Variants in SLC8A3 observed in about 807,000 individuals in gnomAD.
The protein encoded by SLC8A3 is sodium/calcium exchanger 3.
In SLC8A3, 37 loss-of-function variants were observed where a neutral mutation model predicts 65.4. The ratio of observed to expected loss-of-function variants is 0.57; its 90% confidence interval spans 0.44 to 0.74. The LOEUF (loss-of-function observed/expected upper bound fraction) is 0.74. SLC8A3 is among the 30% of genes least tolerant of loss of function. The pLI is 0.00. For synonymous variants in SLC8A3, 461 were observed against 444.5 expected (o/e 1.04, Z -0.47); for missense variants, 1,112 against 1,172.1 (o/e 0.95, Z 0.75).
At chr14:70,053,094 A>G (rs1887684144) in intron 3 of SLC8A3, among the ~76,000 whole-genome samples, 1 of 152,244 alleles carries the variant, frequency 6.6e-6, no homozygotes, top group African/African-American at 2.4e-5. Context: ...TGAAGATGGT[A>G]TGAGAGTGTG....
intron 2 of SLC8A3, among the ~76,000 whole-genome samples, chr14:70,089,001 C>A (rs1308692412): frequency 6.6e-6 from 1 of 152,198 alleles, no homozygotes; most frequent in Non-Finnish European, 1.5e-5. Context: ...TATTCCTGAC[C>A]TGATTTGTAC....
chr14:70,166,493 T>C, intron 2 of SLC8A3, 146 bp downstream of exon 2: 1 of 595,944 alleles, frequency 1.7e-6, no homozygotes, highest in Non-Finnish European at 3.0e-6. Flanking sequence ...TCCAGTGGTG[T>C]CTGCTGATCC....
chr14:70,090,172 C>T (rs77163301), intron 2 of SLC8A3, among the ~76,000 whole-genome samples: 2,670 of 152,034 alleles, frequency 0.018, 82 homozygotes, highest in African/African-American at 0.062. Context: ...CTGTTTTCCC[C>T]GAAAGATAAT....
chr14:70,122,995 C>T (rs1328667379), intron 2 of SLC8A3, among the ~76,000 whole-genome samples: 1 of 151,256 alleles, frequency 6.6e-6, no homozygotes, highest in Non-Finnish European at 1.5e-5. Flanking sequence ...TGGCGTGAAC[C>T]CAGGAGGCGG....
intron 2 of SLC8A3, among the ~76,000 whole-genome samples, chr14:70,159,157 C>T (rs888020275): frequency 6.6e-6 from 1 of 152,086 alleles, no homozygotes; most frequent in South Asian, 2.1e-4. Flanking sequence ...ACCTGTAATC[C>T]CAGCACTTTG....
chr14:70,055,772 A>G, intron 3 of SLC8A3: 2 of 1,599,374 alleles, frequency 1.3e-6, no homozygotes, highest in Non-Finnish European at 1.7e-6. Flanking sequence ...TGGAAAGAAA[A>G]GAGGGGGACA....
intron 2 of SLC8A3, among the ~76,000 whole-genome samples, chr14:70,076,303 A>T (rs1890514378): frequency 6.6e-6 from 1 of 151,828 alleles, no homozygotes; most frequent in Non-Finnish European, 1.5e-5. Flanking sequence ...GTTTCCCTTT[A>T]TCTTGTTTAT....
chr14:70,182,273 G>C lies in SLC8A3; in HGVS notation c.-63+6106C>G, dbSNP rs185311473. 1.2e-3 allele frequency among the ~76,000 whole-genome samples: 189 copies of C among 152,302 alleles called. 1 individual carries two copies. The highest frequency in any genetic ancestry group is 2.3e-3 in the Non-Finnish European group (154 of 68,032). ...TCAGGAGGAGTTAACAGGACATCTT[G>C]TTGGAGATACTGTGCACACGGCTGG... is the stretch of plus-strand genomic sequence containing the variant. On this transcript the variant is annotated intron_variant, in intron 1 of 6. Coordinates refer to ENST00000356921, the MANE Select transcript of SLC8A3 (RefSeq NM_182932.3).
intron 2 of SLC8A3, among the ~76,000 whole-genome samples, chr14:70,123,724 A>G (rs566283152): frequency 2.0e-5 from 3 of 152,360 alleles, no homozygotes; most frequent in African/African-American, 7.2e-5. Flanking sequence ...TGCTGGGATT[A>G]CAGGCGTGAG....
chr14:70,117,289 C>T (rs1595013275), intron 2 of SLC8A3, among the ~76,000 whole-genome samples: 1 of 152,346 alleles, frequency 6.6e-6, no homozygotes, highest in South Asian at 2.1e-4. Context: ...TAGCATGATT[C>T]CTTTCCCCAC....
intron 1 of SLC8A3, among the ~76,000 whole-genome samples, chr14:70,175,269 T>C (rs75522232): frequency 0.021 from 3,157 of 152,294 alleles, 108 homozygotes; most frequent in African/African-American, 0.071. Flanking sequence ...TAGGCACTTT[T>C]ATATCTGTTA....
intron 1 of SLC8A3, among the ~76,000 whole-genome samples, chr14:70,171,599 A>T (rs2140394019): frequency 6.6e-6 from 1 of 152,272 alleles, no homozygotes; most frequent in African/African-American, 2.4e-5. Context: ...TCAGGAGTTC[A>T]AGGCCAGCCT....
At chr14:70,073,858 C>T (rs1448793709) in intron 2 of SLC8A3, among the ~76,000 whole-genome samples, 2 of 152,220 alleles carry the variant, frequency 1.3e-5, no homozygotes, top group Non-Finnish European at 2.9e-5. Flanking sequence ...AAACGCCCTG[C>T]CTTCCACCTT....
At position 70,168,277 on chromosome 14, in the gene SLC8A3, G is replaced by GA; in HGVS notation, c.145dup (p.Ser49PhefsTer48). The GA allele has an allele frequency of 6.2e-7, 1 of 1,614,168 alleles. No individual in the cohort carries two copies. Among genetic ancestry groups the GA allele is most frequent in the Non-Finnish European group, 8.5e-7 (1 of 1,180,022 alleles). On this transcript the variant is annotated frameshift_variant, in exon 2 of 7. Transcript: ENST00000356921. LOFTEE classifies it high-confidence loss of function. ...ACCCTCCTTGCAGTCCGATGACCCT[G>GA]AACAGGACTCATTGTTCTGCCCTGT...
At chr14:70,083,002 G>A (rs1891167264) in intron 2 of SLC8A3, among the ~76,000 whole-genome samples, 1 of 152,156 alleles carries the variant, frequency 6.6e-6, no homozygotes, top group South Asian at 2.1e-4. Context: ...ACAGGGGCAG[G>A]AAGGAGACGT....
At chr14:70,056,959 C>T (rs1472267358) in intron 3 of SLC8A3, among the ~76,000 whole-genome samples, 1 of 152,140 alleles carries the variant, frequency 6.6e-6, no homozygotes, top group Non-Finnish European at 1.5e-5. Flanking sequence ...CTCCTTGGCT[C>T]TCAGATAAAG....
intron 2 of SLC8A3, among the ~76,000 whole-genome samples, chr14:70,064,739 G>A (rs1889224081): frequency 6.6e-6 from 1 of 152,180 alleles, no homozygotes; most frequent in South Asian, 2.1e-4. Context: ...CGATGATTTT[G>A]TGGCTAGCAC....
intron 2 of SLC8A3, among the ~76,000 whole-genome samples, chr14:70,122,112 C>A (rs1471874725): frequency 1.3e-5 from 2 of 152,088 alleles, no homozygotes; most frequent in Non-Finnish European, 2.9e-5. Context: ...GTGAAGAAGC[C>A]AGGATAGAGC....
rs148347484 is a variant in SLC8A3 at position 70,168,091 on chromosome 14, T to C, written c.332A>G (p.Glu111Gly). 1.0e-4 allele frequency: 169 copies of C among 1,613,894 alleles called. No homozygotes were observed. The highest frequency in any genetic ancestry group is 1.6e-4 in the Middle Eastern group (1 of 6,082). The change falls in exon 2 of 7, where the codon GAG (glutamate) becomes GGG (glycine). Residue 111 changes from glutamate to glycine, a missense_variant. By Grantham distance (98) the Glu-to-Gly change is moderately conservative. Coordinates refer to ENST00000356921, the MANE Select transcript of SLC8A3 (RefSeq NM_182932.3). ...TCCATTGGGTTTCTTAATTGTCACCTCCCTCTCTTGAGAGGTGATGACTTC... is the reference window on the plus strand; with the variant it reads ...TCCATTGGGTTTCTTAATTGTCACCCCCCTCTCTTGAGAGGTGATGACTTC... ...SIEVITSQER[E>G]VTIKKPNGET...
Sources: gnomAD v4.1 joint callset for allele counts (sites outside exome capture counted in the v4.1 genomes callset) on GRCh38, gnomAD v4.1.1 for gene constraint, MANE v1.5 for transcripts, NCBI Gene and HGNC (gene_info 2026-07-23, HGNC 2026-07-21) for gene names.